NPFFR2: variants seen among roughly 807,000 people sequenced by gnomAD.
The protein encoded by NPFFR2 is neuropeptide FF receptor 2, also known as G-protein coupled receptor 74.
Under a neutral mutation model 13.1 loss-of-function variants are expected in NPFFR2, and 15 were observed. That is an observed-to-expected ratio of 1.15 (90% CI 0.77 to 1.76). The LOEUF is 1.76. Ranked by LOEUF, NPFFR2 falls within the 40% of genes most tolerant of loss-of-function variation. The pLI is 0.00. For synonymous variants in NPFFR2, 190 were observed against 175.7 expected, an observed-to-expected ratio of 1.08 and a Z score of -0.65; for missense variants, 572 against 503.5, an observed-to-expected ratio of 1.14 and a Z score of -1.30.
chr4:72,130,893 G>A (rs543668101), intron 2 of NPFFR2, among the ~76,000 whole-genome samples: 16 of 152,154 alleles, frequency 1.1e-4, no homozygotes, highest in Non-Finnish European at 2.1e-4. Context: ...GAATCAGGTC[G>A]CATGAACGAA....
At chr4:72,040,174 A>G (rs1240840100) in intron 1 of NPFFR2, among the ~76,000 whole-genome samples, 1 of 152,132 alleles carries the variant, frequency 6.6e-6, no homozygotes, top group Non-Finnish European at 1.5e-5. Context: ...TATAGACAAT[A>G]TATTTATTAT....
At position 72,104,044 on chromosome 4, in the gene NPFFR2, C is replaced by A. The variant is rs141090678; in HGVS notation, c.-7-24541C>A. Reference sequence around the variant, plus strand: ...TAATGAGCAGTTTAGCTGTAGTTCCCTAGCAAAATGAAGAAGTCCAGAAAT... The same window carrying A: ...TAATGAGCAGTTTAGCTGTAGTTCCATAGCAAAATGAAGAAGTCCAGAAAT... On this transcript the variant is annotated intron_variant, in intron 1 of 3. Coordinates refer to ENST00000308744, the MANE Select transcript of NPFFR2 (RefSeq NM_004885.3). Among the ~76,000 whole-genome samples, 362 of 152,070 alleles carry A rather than the reference C, an allele frequency of 2.4e-3. 3 individuals are homozygous for A. The highest frequency in any genetic ancestry group is 8.2e-3 in the African/African-American group (342 of 41,512).
chr4:72,067,497 A>G (rs527678837), intron 1 of NPFFR2, among the ~76,000 whole-genome samples: 6 of 152,232 alleles, frequency 3.9e-5, no homozygotes, highest in African/African-American at 1.4e-4. Flanking sequence ...AATCTTATCA[A>G]ATGGTCTCTT....
At chr4:72,066,490 T>C (rs1223066063) in intron 1 of NPFFR2, among the ~76,000 whole-genome samples, 2 of 152,160 alleles carry the variant, frequency 1.3e-5, no homozygotes, top group Non-Finnish European at 2.9e-5. Context: ...CAAAGTCTCA[T>C]TTAAATATTT....
intron 1 of NPFFR2, among the ~76,000 whole-genome samples, chr4:72,116,578 G>A (rs984138993): frequency 6.6e-6 from 1 of 151,700 alleles, no homozygotes; most frequent in African/African-American, 2.4e-5. Context: ...AAAAGTTGAA[G>A]TTAAAAAAGA....
chr4:72,142,618 G>T (rs558204018), intron 3 of NPFFR2, among the ~76,000 whole-genome samples: 33 of 152,268 alleles, frequency 2.2e-4, no homozygotes, highest in African/African-American at 7.7e-4. Context: ...TAAAGTTTCA[G>T]TAATAAGAAA....
chr4:72,139,884 C>T (rs1722545124), intron 3 of NPFFR2, among the ~76,000 whole-genome samples: 1 of 152,180 alleles, frequency 6.6e-6, no homozygotes, highest in Admixed American at 6.5e-5. Context: ...TTCTTTCTAT[C>T]CATGAGCATG....
chr4:72,117,978 G>T (rs1332051447), intron 1 of NPFFR2, among the ~76,000 whole-genome samples: 3 of 152,048 alleles, frequency 2.0e-5, no homozygotes, highest in African/African-American at 7.2e-5. Flanking sequence ...TATTAAAAAT[G>T]GTTTTAAAGC....
At chr4:72,061,815 G>A (rs151154892) in intron 1 of NPFFR2, among the ~76,000 whole-genome samples, 2 of 152,128 alleles carry the variant, frequency 1.3e-5, no homozygotes, top group Non-Finnish European at 2.9e-5. Flanking sequence ...GAGAGCATTA[G>A]GACAAATAAC....
At chr4:72,114,617 T>A (rs921543757) in intron 1 of NPFFR2, among the ~76,000 whole-genome samples, 4 of 152,126 alleles carry the variant, frequency 2.6e-5, no homozygotes, top group Non-Finnish European at 4.4e-5. Context: ...GTAAAAAGAT[T>A]CAAGCAATAA....
At chr4:72,127,509 G>A (rs1260878290) in intron 1 of NPFFR2, among the ~76,000 whole-genome samples, 99 of 144,020 alleles carry the variant, frequency 6.9e-4, no homozygotes, top group Non-Finnish European at 1.1e-3. Flanking sequence ...GACCACAGGC[G>A]CCCGCCACCA....
At chr4:72,112,538 A>G (rs960242598) in intron 1 of NPFFR2, among the ~76,000 whole-genome samples, 2 of 152,026 alleles carry the variant, frequency 1.3e-5, no homozygotes, top group African/African-American at 4.8e-5. Flanking sequence ...TAAGGAGAAC[A>G]GGAGACAGAA....
chr4:72,145,619 G>A (rs868435293), intron 3 of NPFFR2, among the ~76,000 whole-genome samples: 52 of 152,272 alleles, frequency 3.4e-4, no homozygotes, highest in Admixed American at 4.6e-4. Flanking sequence ...AACGCTTGAA[G>A]TTGAAGAGAG....
intron 1 of NPFFR2, chr4:72,039,403 C>G: frequency 2.0e-6 from 2 of 985,102 alleles, no homozygotes; most frequent in Non-Finnish European, 2.4e-6. Flanking sequence ...TCTTCTGCTT[C>G]CATATTACAG....
intron 3 of NPFFR2, among the ~76,000 whole-genome samples, chr4:72,145,284 TATAA>T (rs1430106667): frequency 5.5e-5 from 8 of 145,818 alleles, no homozygotes; most frequent in Non-Finnish European, 9.2e-5. Context: ...AATATAAATA[TATAA>T]ATACATATAT....
intron 1 of NPFFR2, among the ~76,000 whole-genome samples, chr4:72,102,621 C>T (rs549679789): frequency 1.9e-4 from 28 of 145,996 alleles, no homozygotes; most frequent in African/African-American, 4.6e-4. Context: ...TGAGAATATG[C>T]GGTGTTTGTT....
intron 1 of NPFFR2, among the ~76,000 whole-genome samples, chr4:72,053,659 AATT>A (rs1719657133): frequency 6.6e-6 from 1 of 151,816 alleles, no homozygotes; most frequent in South Asian, 2.1e-4. Context: ...GAACTTACTA[AATT>A]ATTATTTATG....
At chr4:72,107,880 G>T (rs2109816281) in intron 1 of NPFFR2, among the ~76,000 whole-genome samples, 1 of 152,030 alleles carries the variant, frequency 6.6e-6, no homozygotes, top group African/African-American at 2.4e-5. Flanking sequence ...GTGTATTTCT[G>T]GATATAAAGT....
Position 72,146,981 on chromosome 4 carries a change from C to G in NPFFR2, c.432C>G (p.Phe144Leu). ...TTATATTTGTGTTTAATTGCAGGTTCCAGTGTGTGGTCTACCCTTTTAAAC... is the reference window on the plus strand; with the variant it reads ...TTATATTTGTGTTTAATTGCAGGTTGCAGTGTGTGGTCTACCCTTTTAAAC... ...FTLVAIAVDR[F>L]QCVVYPFKPK... Residue 144 changes from phenylalanine (F) to leucine (L), a missense_variant, in exon 4 of 4, where the codon TTC becomes TTG. Transcript: ENST00000308744. The G allele has an allele frequency of 1.9e-6, 3 of 1,601,776 alleles. No homozygotes were observed. Among genetic ancestry groups the G allele is most frequent in the Non-Finnish European group, 2.6e-6 (3 of 1,171,592 alleles).
Sources: allele counts gnomAD v4.1 joint callset (sites outside exome capture counted in the v4.1 genomes callset), GRCh38; gene constraint gnomAD v4.1.1; transcripts MANE v1.5; gene names NCBI Gene and HGNC (gene_info 2026-07-23, HGNC 2026-07-21).